The following AP1M1 variants were observed in gnomAD, a reference collection of about 807,000 sequenced individuals.
The protein encoded by AP1M1 is AP-1 complex subunit mu-1.
Under a neutral mutation model 57.1 loss-of-function variants are expected in AP1M1, and 18 were observed. The ratio of observed to expected loss-of-function variants is 0.32; its 90% confidence interval spans 0.22 to 0.47. The LOEUF is 0.47. Among genes scored for constraint, AP1M1 ranks in the 20% least tolerant of loss-of-function variants. The pLI is 1.00. For synonymous variants in AP1M1, 241 were observed against 237.9 expected, an observed-to-expected ratio of 1.01 and a Z score of -0.12; for missense variants, 362 against 593.5, an observed-to-expected ratio of 0.61 and a Z score of 4.05.
chr19:16,208,739 A>G, intron 4 of AP1M1: 1 of 318,942 alleles, frequency 3.1e-6, no homozygotes, highest in Non-Finnish European at 5.9e-6. Flanking sequence ...GCTCACACCC[A>G]CTTCTTGTTT....
At chr19:16,209,228 A>G (rs1431488094) in intron 5 of AP1M1, 51 bp downstream of exon 5, 1 of 1,592,904 alleles carries the variant, frequency 6.3e-7, no homozygotes, top group Non-Finnish European at 8.6e-7. Context: ...CTTCCACGAT[A>G]GAAATAAACA....
chr19:16,205,558 T>TC (rs1030516723), intron 2 of AP1M1, among the ~76,000 whole-genome samples: 1 of 151,934 alleles, frequency 6.6e-6, no homozygotes, highest in Admixed American at 6.6e-5. Flanking sequence ...CTCCTAGAGC[T>TC]CACTCCTGGG....
chr19:16,232,278 C>T (rs1162909596), intron 9 of AP1M1, among the ~76,000 whole-genome samples: 3 of 152,202 alleles, frequency 2.0e-5, no homozygotes, highest in African/African-American at 4.8e-5. Context: ...GCCTTTGTGG[C>T]GTCGAGTGGG....
intron 5 of AP1M1, among the ~76,000 whole-genome samples, chr19:16,218,487 T>C (rs12980988): frequency 0.68 from 102,772 of 152,050 alleles, 36,396 homozygotes; most frequent in Non-Finnish European, 0.8. Context: ...GAGCCAGGAA[T>C]GATTCCTGGT....
intron 5 of AP1M1, among the ~76,000 whole-genome samples, chr19:16,212,902 G>A (rs145410481): frequency 4.6e-5 from 7 of 152,206 alleles, no homozygotes; most frequent in African/African-American, 1.7e-4. Flanking sequence ...TAATTGTATG[G>A]GTTTGAGTGA....
At chr19:16,222,490 G>A (rs1448626127) in intron 5 of AP1M1, among the ~76,000 whole-genome samples, 1 of 152,084 alleles carries the variant, frequency 6.6e-6, no homozygotes, top group Non-Finnish European at 1.5e-5. Flanking sequence ...TGGGATTACA[G>A]GCATGAGCCA....
At position 16,227,603 on chromosome 19, in the gene AP1M1, G is replaced by A; in HGVS notation, c.729G>A (p.Arg243=). ...ATGTGAAGTTCCACCAGTGTGTGCG[G>A]CTATCACGCTTCGAGAATGACCGCA... The part of the protein sequence containing the change: ...LEDVKFHQCV[R]LSRFENDRTI... The change falls in exon 7 of 12, where the codon CGG becomes CGA. Residue 243 remains arginine, a synonymous_variant. Coordinates refer to ENST00000291439, the MANE Select transcript of AP1M1 (RefSeq NM_032493.4). This position sits in a 1 kb window ranked among gnomAD's most constrained non-coding sequence, Gnocchi z 6.2. The A allele has an allele frequency of 6.2e-7, 1 of 1,614,098 alleles. No individual in the cohort carries two copies. Among genetic ancestry groups the A allele is most frequent in the East Asian group, 2.2e-5 (1 of 44,886 alleles).
chr19:16,208,593 G>A (rs1041625953), intron 4 of AP1M1, among the ~76,000 whole-genome samples: 1 of 152,132 alleles, frequency 6.6e-6, no homozygotes, highest in Non-Finnish European at 1.5e-5. Context: ...CCATTTTACA[G>A]GGGACAAGCA....
rs978343000 is a variant in AP1M1, at chr19:16,242,905, C to A, written c.*8470C>A. On this transcript the variant is annotated 3_prime_UTR_variant, in exon 12 of 12. Transcript: ENST00000291439. The stretch of plus-strand genomic sequence containing the variant: ...AGTAGCTGGGATTACAGGCATGCAC[C>A]ACCATGCTTGGCTAAATTTTTTTAT... The A allele has an allele frequency of 3.9e-5, 6 of 152,192 alleles. No homozygotes were observed. Among genetic ancestry groups the A allele is most frequent in the Non-Finnish European group, 8.8e-5 (6 of 68,048 alleles). The allele number at this position is 152,192 out of a possible 1,614,324, so 9.4% of individuals were successfully genotyped here. A position where few individuals can be genotyped will look rare whatever the true frequency, so the allele number is the denominator to read the frequency against.
At chr19:16,205,219 G>A (rs1717847772) in intron 2 of AP1M1, among the ~76,000 whole-genome samples, 2 of 152,300 alleles carry the variant, frequency 1.3e-5, no homozygotes, top group South Asian at 2.1e-4. Context: ...TCTGAGCTCA[G>A]CAGGAGCCAT....
intron 4 of AP1M1, 195 bp downstream of exon 4, chr19:16,208,344 A>C: frequency 2.0e-6 from 1 of 511,642 alleles, no homozygotes; most frequent in African/African-American, 1.9e-5. Context: ...GCCCCCACAT[A>C]ACCGTGCTTT....
Position 16,240,217 on chromosome 19 carries a change from C to T in AP1M1, c.*5782C>T, listed in dbSNP as rs1432965160. 1 of 150,598 alleles carries T rather than the reference C, an allele frequency of 6.6e-6. No homozygotes were observed. The highest frequency in any genetic ancestry group is 1.5e-5 in the Non-Finnish European group (1 of 68,014). The allele number at this position is 150,598 out of a possible 1,614,324, so 9.3% of individuals were successfully genotyped here. A position where few individuals can be genotyped will look rare whatever the true frequency, so the allele number is the denominator to read the frequency against. On this transcript the variant is annotated 3_prime_UTR_variant, in exon 12 of 12. Transcript: ENST00000291439. ...ATCCAAGGGGAGTCCTGGAAGCAATCCCTTGAGGATATGGAGGGACGACTC... is the reference window on the plus strand; with the variant it reads ...ATCCAAGGGGAGTCCTGGAAGCAATTCCTTGAGGATATGGAGGGACGACTC...
chr19:16,209,718 A>G (rs1423733349), intron 5 of AP1M1, among the ~76,000 whole-genome samples: 1 of 152,164 alleles, frequency 6.6e-6, no homozygotes, highest in African/African-American at 2.4e-5. Context: ...GACAGAAACA[A>G]GTATATTGAT....
At chr19:16,204,357 A>G (rs2091461116) in intron 2 of AP1M1, among the ~76,000 whole-genome samples, 1 of 152,158 alleles carries the variant, frequency 6.6e-6, no homozygotes, top group African/African-American at 2.4e-5. Flanking sequence ...CAGACCCGCA[A>G]GCCCATCTCA....
intron 5 of AP1M1, among the ~76,000 whole-genome samples, chr19:16,224,201 T>C (rs1402988028): frequency 6.6e-6 from 1 of 152,216 alleles, no homozygotes; most frequent in Non-Finnish European, 1.5e-5. Flanking sequence ...CACATTCCCC[T>C]CTCCCCTGGG....
intron 5 of AP1M1, among the ~76,000 whole-genome samples, chr19:16,223,824 A>G (rs2091556714): frequency 6.6e-6 from 1 of 152,076 alleles, no homozygotes; most frequent in Non-Finnish European, 1.5e-5. Context: ...CAGGTTTCAG[A>G]GCTGTAGTCA....
chr19:16,231,742 G>A (rs928069299), intron 9 of AP1M1, among the ~76,000 whole-genome samples: 12 of 152,212 alleles, frequency 7.9e-5, no homozygotes, highest in African/African-American at 2.9e-4. Context: ...TGCTGTGAAC[G>A]AGTGCACAAA....
chr19:16,207,912 T>TG lies in AP1M1; in HGVS notation c.268-105dup, dbSNP rs1358743353. ...CCACCGAGCCTGGGAAGTAGGCTGT[T>TG]GGTAGGACTTAGCGGGCAAATGAAT... On this transcript the variant is annotated intron_variant, in intron 3 of 11. Transcript: ENST00000291439. The surrounding 1 kb of genome is among the most constrained non-coding windows in gnomAD (Gnocchi z 4.2). 2.8e-6 allele frequency: 4 copies of TG among 1,410,586 alleles called. No individual in the cohort carries two copies. In the South Asian group the frequency reaches 3.9e-5, roughly 14 times the overall value. 87.4% of individuals were successfully genotyped at this position (1,410,586 alleles called of 1,614,324 possible). A position where few individuals can be genotyped will look rare whatever the true frequency, so the allele number is the denominator to read the frequency against.
At chr19:16,222,400 A>G (rs941607657) in intron 5 of AP1M1, among the ~76,000 whole-genome samples, 1 of 151,046 alleles carries the variant, frequency 6.6e-6, no homozygotes, top group African/African-American at 2.4e-5. Flanking sequence ...TTTTGTAGAG[A>G]TGAGGGTCTC....
Sources: allele counts gnomAD v4.1 joint callset (sites outside exome capture counted in the v4.1 genomes callset), GRCh38; gene constraint gnomAD v4.1.1; non-coding constraint Gnocchi (gnomAD v3.1); transcripts MANE v1.5; gene names NCBI Gene and HGNC (gene_info 2026-07-23, HGNC 2026-07-21).